Variants in HDX observed in about 807,000 individuals in gnomAD.
The protein encoded by HDX is highly divergent homeobox, also known as chromosome X open reading frame 43.
In HDX, 19 loss-of-function variants were observed where a neutral mutation model predicts 45.2. That is an observed-to-expected ratio of 0.42 (90% CI 0.29 to 0.62). HDX has a LOEUF of 0.62. HDX is among the 20% of genes least tolerant of loss of function. HDX has a pLI of 0.20. For missense variants in HDX, 532 were observed against 493.9 expected, an observed-to-expected ratio of 1.08 and a Z score of -0.73; for synonymous variants, 188 against 172.8, an observed-to-expected ratio of 1.09 and a Z score of -0.69.
intron 1 of HDX, among the ~76,000 whole-genome samples, 191 bp from the exon 2 acceptor site, chrX:84,488,323 A>AC (rs1280375941): frequency 3.6e-4 from 15 of 41,554 alleles, no homozygotes; most frequent in Admixed American, 6.5e-4. Flanking sequence ...TTAAAATCTA[A>AC]AACACACACA....
In HDX at chrX:84,459,271, T is replaced by C. The variant is rs1881235546; in HGVS notation, c.1251+9201A>G. ...TCCTGGCTAACACAGTGAAACCCCGTCTTTACTAAAAATACAAAAAATTAG... is the reference window on the plus strand; with the variant it reads ...TCCTGGCTAACACAGTGAAACCCCGCCTTTACTAAAAATACAAAAAATTAG... On this transcript the variant is annotated intron_variant, in intron 4 of 10. Coordinates refer to ENST00000373177, the MANE Select transcript of HDX (RefSeq NM_001177479.2). Among the ~76,000 whole-genome samples the C allele has an allele frequency of 2.7e-5, 3 of 109,183 alleles. No homozygotes were observed. In the South Asian group the frequency reaches 1.2e-3, roughly 43 times the overall value. 94.8% of individuals were successfully genotyped at this position (109,183 alleles called of 115,157 possible). A position where few individuals can be genotyped will look rare whatever the true frequency, so the allele number is the denominator to read the frequency against.
rs184772200 is a variant in HDX at position 84,355,239 on chromosome X, A to T, written c.1452+6227T>A. ...TGTATCTCAATCATAAAATATGTTG[A>T]TTCTATCAATATTTGACCATGCAAG... On this transcript the variant is annotated intron_variant, in intron 6 of 10. Transcript: ENST00000373177. 2.6e-3 allele frequency among the ~76,000 whole-genome samples: 286 copies of T among 110,468 alleles called. 2 individuals carry two copies. The highest frequency in any genetic ancestry group is 9.1e-3 in the African/African-American group (276 of 30,415).
intron 5 of HDX, among the ~76,000 whole-genome samples, chrX:84,375,391 C>A (rs1322734827): frequency 1.8e-5 from 2 of 110,925 alleles, no homozygotes; most frequent in Non-Finnish European, 3.8e-5. Context: ...CATCCCATTA[C>A]TGGGTATATA....
intron 2 of HDX, among the ~76,000 whole-genome samples, chrX:84,485,737 C>T (rs1390043856): frequency 8.9e-6 from 1 of 111,736 alleles, no homozygotes; most frequent in Non-Finnish European, 1.9e-5. Flanking sequence ...TGTTGTTAGG[C>T]ACATATACAT....
At position 84,459,302 on chromosome X, in the gene HDX, C is replaced by G. The variant is rs774302296; in HGVS notation, c.1251+9170G>C. ...CTAAAAATACAAAAAATTAGCCGGG[C>G]GTGGTGGCGGGCGCCTGTAGTCCCA... On this transcript the variant is annotated intron_variant, in intron 4 of 10. Transcript: ENST00000373177. Among the ~76,000 whole-genome samples the G allele has an allele frequency of 3.6e-4, 39 of 109,822 alleles. 1 individual carries two copies. Among genetic ancestry groups the G allele is most frequent in the African/African-American group, 1.1e-3 (34 of 30,197 alleles).
intron 5 of HDX, among the ~76,000 whole-genome samples, chrX:84,419,443 C>A (rs2039196696): frequency 8.9e-6 from 1 of 111,836 alleles, no homozygotes; most frequent in African/African-American, 3.3e-5. Context: ...GCCGAGGATT[C>A]TTTGTCTTTG....
At chrX:84,330,097 T>C (rs2036814770) in intron 9 of HDX, among the ~76,000 whole-genome samples, 1 of 111,603 alleles carries the variant, frequency 9.0e-6, no homozygotes, top group South Asian at 3.7e-4. Context: ...GTGGTGGATA[T>C]GTTATGTCGT....
At position 84,341,513 on chromosome X, in the gene HDX, C is replaced by A. The variant is rs540548984; in HGVS notation, c.1660+2737G>T. Among the ~76,000 whole-genome samples, 4 of 110,208 alleles carry A rather than the reference C, an allele frequency of 3.6e-5. No individual in the cohort carries two copies. In the South Asian group the frequency reaches 1.6e-3, roughly 43 times the overall value. On this transcript the variant is annotated intron_variant, in intron 7 of 10. Transcript: ENST00000373177. ...CTTAACATGCATGGCCCTCTTAATA[C>A]TAGTAGCTTTGCTTTCCCTTTCATT...
At chrX:84,421,384 T>C (rs6623027) in intron 5 of HDX, among the ~76,000 whole-genome samples, 3 of 111,551 alleles carry the variant, frequency 2.7e-5, no homozygotes, top group East Asian at 5.6e-4. Context: ...GGTTATAAAA[T>C]AGTATTTGAA....
At chrX:84,356,614 CTTTTTTTTTTTTTT>C (rs59321751) in intron 6 of HDX, among the ~76,000 whole-genome samples, 1 of 39,505 alleles carries the variant, frequency 2.5e-5, no homozygotes, top group Non-Finnish European at 4.1e-5. Context: ...CTGTGGATAT[CTTTTTTTTTTTTTT>C]TTTTTTTTTT....
At chrX:84,460,212 C>T in intron 4 of HDX, among the ~76,000 whole-genome samples, 1 of 111,719 alleles carries the variant, frequency 9.0e-6, no homozygotes, top group East Asian at 2.8e-4. Flanking sequence ...AATACCAAAA[C>T]CAGACAAAGA....
At chrX:84,426,974 G>A (rs1378366379) in intron 5 of HDX, among the ~76,000 whole-genome samples, 1 of 110,647 alleles carries the variant, frequency 9.0e-6, no homozygotes, top group Non-Finnish European at 1.9e-5. Flanking sequence ...GAAAAGGTGA[G>A]TGTGTTCCGG....
intron 3 of HDX, among the ~76,000 whole-genome samples, chrX:84,470,824 A>G (rs184124380): frequency 1.8e-5 from 2 of 111,349 alleles, no homozygotes; most frequent in Admixed American, 9.6e-5. Flanking sequence ...TCCAAAATGC[A>G]TACCATATTA....
At chrX:84,348,481 C>T (rs764534582) in intron 6 of HDX, among the ~76,000 whole-genome samples, 2 of 111,904 alleles carry the variant, frequency 1.8e-5, no homozygotes. Flanking sequence ...CTGATGCTTG[C>T]TCTGTCTCTT....
chrX:84,378,229 G>A (rs772955579), intron 5 of HDX, among the ~76,000 whole-genome samples: 18 of 111,694 alleles, frequency 1.6e-4, no homozygotes, highest in African/African-American at 4.5e-4. Context: ...TCATTAACGC[G>A]AGACCTGTTC....
intron 5 of HDX, among the ~76,000 whole-genome samples, chrX:84,410,805 T>C (rs1169325916): frequency 8.9e-6 from 1 of 111,772 alleles, no homozygotes; most frequent in Non-Finnish European, 1.9e-5. Flanking sequence ...CTGGGCATTT[T>C]CTTATAGGTA....
At chrX:84,340,591 CATG>C (rs1432189917) in intron 7 of HDX, among the ~76,000 whole-genome samples, 1 of 110,910 alleles carries the variant, frequency 9.0e-6, no homozygotes, top group Non-Finnish European at 1.9e-5. Context: ...ATTTTAAAGG[CATG>C]ATATTAATTT....
chrX:84,340,083 G>A (rs1200515086), intron 7 of HDX, among the ~76,000 whole-genome samples: 1 of 109,761 alleles, frequency 9.1e-6, no homozygotes, highest in African/African-American at 3.3e-5. Flanking sequence ...CACCACACAG[G>A]GAAAGGGAAA....
intron 4 of HDX, among the ~76,000 whole-genome samples, chrX:84,442,387 A>G (rs1479530686): frequency 9.0e-6 from 1 of 111,256 alleles, no homozygotes; most frequent in Non-Finnish European, 1.9e-5. Context: ...CTGCCATTTT[A>G]CTTTGAGTTA....
Sources: gnomAD v4.1 joint callset for allele counts (sites outside exome capture counted in the v4.1 genomes callset) on GRCh38, gnomAD v4.1.1 for gene constraint, MANE v1.5 for transcripts, NCBI Gene and HGNC (gene_info 2026-07-23, HGNC 2026-07-21) for gene names.